The following NPLOC4 variants were observed in gnomAD, a reference collection of about 807,000 sequenced individuals.
The protein encoded by NPLOC4 is nuclear protein localization protein 4 homolog.
NPLOC4 carries 18 observed loss-of-function variants against 80.6 expected under a neutral mutation model. The ratio of observed to expected loss-of-function variants is 0.22; its 90% CI spans 0.15 to 0.33. NPLOC4 has a LOEUF of 0.33. NPLOC4 is among the 10% of genes least tolerant of loss of function. The pLI is 1.00. For synonymous variants in NPLOC4, 313 were observed against 301.5 expected (o/e 1.04, Z -0.39); for missense variants, 540 against 786.1 (o/e 0.69, Z 3.74).
intron 15 of NPLOC4, among the ~76,000 whole-genome samples, 152 bp from the exon 16 acceptor site, chr17:81,565,759 C>A (rs921423820): frequency 1.3e-5 from 2 of 152,262 alleles, no homozygotes; most frequent in Non-Finnish European, 2.9e-5. Context: ...CAAACTGCCA[C>A]AACTTACATC....
At chr17:81,620,497 A>G (rs2035635999) in intron 3 of NPLOC4, among the ~76,000 whole-genome samples, 1 of 152,154 alleles carries the variant, frequency 6.6e-6, no homozygotes, top group South Asian at 2.1e-4. Context: ...CTCCGTCTCA[A>G]AAAAAATAAA....
intron 2 of NPLOC4, among the ~76,000 whole-genome samples, chr17:81,626,326 AAAAAG>A (rs1321095680): frequency 1.3e-5 from 2 of 151,772 alleles, no homozygotes; most frequent in Non-Finnish European, 2.9e-5. Flanking sequence ...AAGAAAAAAA[AAAAAG>A]AAAAGAATGA....
chr17:81,582,940 C>T lies in NPLOC4; in HGVS notation c.1281+6004G>A, dbSNP rs575292207. On this transcript the variant is annotated intron_variant, in intron 12 of 16. Transcript: ENST00000331134. ...CCCGATTCGAAGAAACACACAAAAA[C>T]CCAAGGAGCCTCCCGGCCAGGGCCA... is the stretch of plus-strand genomic sequence containing the variant. Among the ~76,000 whole-genome samples the T allele has an allele frequency of 2.6e-5, 4 of 152,388 alleles. No homozygotes were observed. In the South Asian group the frequency reaches 8.3e-4, roughly 32 times the overall value.
At chr17:81,590,952 T>A (rs576955532) in intron 11 of NPLOC4, among the ~76,000 whole-genome samples, 1 of 152,278 alleles carries the variant, frequency 6.6e-6, no homozygotes, top group South Asian at 2.1e-4. Context: ...CAAACTCAAA[T>A]GCTCAGGAGG....
At chr17:81,617,423 C>A (rs2035526848) in intron 3 of NPLOC4, among the ~76,000 whole-genome samples, 2 of 152,174 alleles carry the variant, frequency 1.3e-5, no homozygotes, top group South Asian at 4.1e-4. Flanking sequence ...CCTGTAATCC[C>A]AGCACTCTGG....
intron 12 of NPLOC4, among the ~76,000 whole-genome samples, chr17:81,575,160 C>T (rs569133945): frequency 7.9e-5 from 12 of 152,216 alleles, no homozygotes; most frequent in African/African-American, 2.2e-4. Flanking sequence ...AGTGCAGTGG[C>T]GCGGTCTCGG....
intron 12 of NPLOC4, among the ~76,000 whole-genome samples, chr17:81,576,859 C>T (rs780292112): frequency 2.0e-5 from 3 of 152,138 alleles, no homozygotes. Flanking sequence ...GTCACGGGCG[C>T]GAGGGCAAGG....
chr17:81,601,774 C>A (rs1164663197), intron 8 of NPLOC4, among the ~76,000 whole-genome samples: 1 of 152,102 alleles, frequency 6.6e-6, no homozygotes, highest in Non-Finnish European at 1.5e-5. Flanking sequence ...TATTGCTATA[C>A]AAAGATACCA....
rs1312142493 is a variant in NPLOC4 at position 81,572,779 on chromosome 17, G to A, written c.1282-691C>T. Among the ~76,000 whole-genome samples the A allele has an allele frequency of 6.6e-6, 1 of 152,190 alleles. No homozygotes were observed. The highest frequency in any genetic ancestry group is 1.5e-5 in the Non-Finnish European group (1 of 68,040). On this transcript the variant is annotated intron_variant, in intron 12 of 16. Transcript: ENST00000331134. The surrounding 1 kb of genome is among the most constrained non-coding windows in gnomAD (Gnocchi z 4.5). ...CCTGTGCCCTGTCTATCCTCCAAAA[G>A]CACATGAATCCTCACAGTCTGAATG...
intron 12 of NPLOC4, among the ~76,000 whole-genome samples, chr17:81,584,560 G>A (rs1328186079): frequency 6.6e-6 from 1 of 152,226 alleles, no homozygotes; most frequent in African/African-American, 2.4e-5. Flanking sequence ...CCACTGTCAT[G>A]AGTGCTGTTT....
At chr17:81,602,196 C>T (rs1340217478) in intron 8 of NPLOC4, among the ~76,000 whole-genome samples, 1 of 152,108 alleles carries the variant, frequency 6.6e-6, no homozygotes, top group Non-Finnish European at 1.5e-5. Context: ...AAGAGGATCT[C>T]GCTCAGGAGC....
chr17:81,600,816 A>G (rs887285837), intron 8 of NPLOC4, among the ~76,000 whole-genome samples: 4 of 152,208 alleles, frequency 2.6e-5, no homozygotes, highest in Non-Finnish European at 2.9e-5. Context: ...AGGTTTGGCT[A>G]AATTAGGCAA....
In NPLOC4 at chr17:81,558,940, C is replaced by T. The variant is rs181532079; in HGVS notation, c.*319G>A. ...CAGCATCGGCCCCTCCCTGTGCGCC[C>T]CAATTCCAGGTGCCACGTAGAGGCG... On this transcript the variant is annotated 3_prime_UTR_variant, in exon 17 of 17. Transcript: ENST00000331134. 12 of 248,782 alleles carry T rather than the reference C, an allele frequency of 4.8e-5. No individual in the cohort carries two copies. Among genetic ancestry groups the T allele is most frequent in the East Asian group, 1.6e-4 (2 of 12,474 alleles). The allele number at this position is 248,782 out of a possible 1,614,324, so 15.4% of individuals were successfully genotyped here. A position where few individuals can be genotyped will look rare whatever the true frequency, so the allele number is the denominator to read the frequency against.
intron 2 of NPLOC4, among the ~76,000 whole-genome samples, chr17:81,629,301 C>T (rs1044572248): frequency 1.3e-5 from 2 of 149,672 alleles, no homozygotes; most frequent in African/African-American, 4.9e-5. Flanking sequence ...AAGCAATTCT[C>T]TTGCCTCAGC....
In NPLOC4 at chr17:81,559,347, G is replaced by A; in HGVS notation, c.1739C>T (p.Thr580Ile). 6.2e-7 allele frequency: 1 copy of A among 1,607,332 alleles called. No homozygotes were observed. Among genetic ancestry groups the A allele is most frequent in the Non-Finnish European group, 8.5e-7 (1 of 1,177,406 alleles). Reference protein sequence around the residue: ...GAVGGSTHTATAAMWACQHCT... With the variant: ...GAVGGSTHTAIAAMWACQHCT... The stretch of plus-strand genomic sequence containing the variant: ...GTGCTGACAGGCCCACATGGCTGCA[G>A]TGGCCGTGTGTGTGGAGCCCCCGAC... Residue 580 changes from threonine to isoleucine, a missense_variant, in exon 17 of 17, where the codon ACT becomes ATT. Physicochemically the swap from Thr to Ile is moderately conservative, Grantham distance 89 (BLOSUM62 -1). Transcript: ENST00000331134.
chr17:81,606,960 G>T (rs1015753846), intron 6 of NPLOC4, 146 bp from the exon 7 acceptor site: 15 of 687,468 alleles, frequency 2.2e-5, no homozygotes, highest in Non-Finnish European at 3.5e-5. Flanking sequence ...GGCTAAGGAT[G>T]ATTCTAATGG....
At chr17:81,619,878 C>CAA (rs1216157250) in intron 3 of NPLOC4, among the ~76,000 whole-genome samples, 10 of 118,942 alleles carry the variant, frequency 8.4e-5, no homozygotes, top group South Asian at 2.7e-4. Flanking sequence ...GACTCCGTCT[C>CAA]AAAAAAAAAA....
At chr17:81,620,973 C>G (rs369678889) in intron 3 of NPLOC4, among the ~76,000 whole-genome samples, 26 of 150,780 alleles carry the variant, frequency 1.7e-4, no homozygotes, top group Non-Finnish European at 3.1e-4. Flanking sequence ...CAGTGAGCTA[C>G]GATCGCACCA....
At chr17:81,568,577 G>C (rs2034075251) in intron 14 of NPLOC4, among the ~76,000 whole-genome samples, 1 of 152,240 alleles carries the variant, frequency 6.6e-6, no homozygotes, top group Admixed American at 6.5e-5. Context: ...CTGCCAGTGA[G>C]AGCAGAGGCC....
Sources: allele counts gnomAD v4.1 joint callset (sites outside exome capture counted in the v4.1 genomes callset), GRCh38; gene constraint gnomAD v4.1.1; non-coding constraint Gnocchi (gnomAD v3.1); transcripts MANE v1.5; gene names NCBI Gene and HGNC (gene_info 2026-07-23, HGNC 2026-07-21).